The following ZNF546 variants were observed in gnomAD, a reference collection of about 807,000 sequenced individuals.
The protein encoded by ZNF546 is CTC-471F3.6.
Under a neutral mutation model 76.2 loss-of-function variants are expected in ZNF546, and 60 were observed. The ratio of observed to expected loss-of-function variants is 0.79; its 90% CI spans 0.64 to 0.98. The LOEUF (loss-of-function observed/expected upper bound fraction) is 0.98. Ranked by LOEUF, ZNF546 falls within the 50% of genes least tolerant of loss-of-function variation. The pLI, the probability that ZNF546 is intolerant of heterozygous loss-of-function variation, is 0.00. For missense variants in ZNF546, 936 were observed against 1,035.6 expected (o/e 0.90, Z 1.32); for synonymous variants, 277 against 328.1 (o/e 0.84, Z 1.68).
intron 3 of ZNF546, among the ~76,000 whole-genome samples, chr19:40,001,165 G>A (rs1263500573): frequency 2.0e-5 from 3 of 152,172 alleles, no homozygotes; most frequent in Non-Finnish European, 4.4e-5. Context: ...ATGGGGAGTA[G>A]CTGTAAATAC....
At chr19:40,001,864 CCT>C (rs1225698386) in intron 3 of ZNF546, among the ~76,000 whole-genome samples, 5 of 152,014 alleles carry the variant, frequency 3.3e-5, no homozygotes, top group African/African-American at 1.2e-4. Flanking sequence ...GACATAATAT[CCT>C]CTATTTTAAT....
In ZNF546 at chr19:40,008,491, A is replaced by C. The variant is rs1599741958; in HGVS notation, c.320A>C (p.Asp107Ala). 6.2e-7 allele frequency: 1 copy of C among 1,611,700 alleles called. No homozygotes were observed. The highest frequency in any genetic ancestry group is 8.5e-7 in the Non-Finnish European group (1 of 1,178,254). ...VSLGYTIPKP[D>A]VITLLEQEKE... is the part of the protein sequence containing the mutation. Reference sequence around the variant, plus strand: ...GCAGGATATACCATTCCTAAGCCAGATGTGATTACTTTATTGGAGCAAGAG... The same window carrying C: ...GCAGGATATACCATTCCTAAGCCAGCTGTGATTACTTTATTGGAGCAAGAG... Residue 107 changes from aspartate (D) to alanine (A), a missense_variant, in exon 6 of 7, where the codon GAT (aspartate) becomes GCT (alanine). Asp to Ala is a moderately radical substitution (Grantham distance 126, BLOSUM62 -2). Transcript: ENST00000347077.
chr19:40,007,347 G>C lies in ZNF546; in HGVS notation c.245G>C (p.Arg82Thr), dbSNP rs1265516141. 3.7e-6 allele frequency: 6 copies of C among 1,607,670 alleles called. No individual in the cohort carries two copies. The highest frequency in any genetic ancestry group is 5.1e-6 in the Non-Finnish European group (6 of 1,176,286). Residue 82 changes from arginine to threonine, a missense_variant, in exon 5 of 7, where the codon AGG becomes ACG. Physicochemically the swap from Arg to Thr is moderately conservative, Grantham distance 71. Coordinates refer to ENST00000347077, the MANE Select transcript of ZNF546 (RefSeq NM_178544.5). ...EEWECLDAVQ[R>T]DLYKDVMLEN... Reference sequence around the variant, plus strand: ...TGGGAGTGCCTGGACGCTGTGCAGAGGGACTTGTACAAGGATGTGATGTTG... The same window carrying C: ...TGGGAGTGCCTGGACGCTGTGCAGACGGACTTGTACAAGGATGTGATGTTG...
chr19:40,015,949 CCT>C lies in ZNF546; in HGVS notation c.*169_*170del. ...CGAAAGACTATAGCATCACTCAGTC[CCT>C]GTTAGACTTTAGAAGATTGATACTG... is the stretch of plus-strand genomic sequence containing the variant. On this transcript the variant is annotated 3_prime_UTR_variant, in exon 7 of 7. Transcript: ENST00000347077. 1.5e-6 allele frequency: 1 copy of C among 655,556 alleles called. No homozygotes were observed. 40.6% of individuals were successfully genotyped at this position (655,556 alleles called of 1,614,324 possible).
At chr19:40,009,587 C>G (rs1971646775) in intron 6 of ZNF546, among the ~76,000 whole-genome samples, 1 of 152,070 alleles carries the variant, frequency 6.6e-6, no homozygotes, top group African/African-American at 2.4e-5. Context: ...ATTGTGAAAC[C>G]ATTTCAAAAT....
Position 40,015,810 on chromosome 19 carries a change from C to T in ZNF546, c.*29C>T. On this transcript the variant is annotated 3_prime_UTR_variant, in exon 7 of 7. Transcript: ENST00000347077. ...GAATACGATGGCCTTTAGAAAATGC[C>T]CTTTAGCAGAGAATTTGTAATTTAA... 6.3e-7 allele frequency: 1 copy of T among 1,596,620 alleles called. No homozygotes were observed. Among genetic ancestry groups the T allele is most frequent in the Non-Finnish European group, 8.6e-7 (1 of 1,165,720 alleles).
At chr19:40,002,249 AGCT>A (rs1392219270) in intron 3 of ZNF546, among the ~76,000 whole-genome samples, 1 of 152,202 alleles carries the variant, frequency 6.6e-6, no homozygotes, top group East Asian at 1.9e-4. Context: ...TGCCTACTAT[AGCT>A]ATTAGTATTT....
Position 40,001,550 on chromosome 19 carries a change from C to T in ZNF546, c.84+3140C>T, listed in dbSNP as rs186258869. ...CTAATTTTTGTATTTTTAGTAGAGA[C>T]GGGGTTTCACCATGTTGGTCAGGCT... On this transcript the variant is annotated intron_variant, in intron 3 of 6. Coordinates refer to ENST00000347077, the MANE Select transcript of ZNF546 (RefSeq NM_178544.5). Among the ~76,000 whole-genome samples, 1,015 of 151,894 alleles carry T rather than the reference C, an allele frequency of 6.7e-3. 5 individuals are homozygous for T. Among genetic ancestry groups the T allele is most frequent in the Non-Finnish European group, 0.012 (795 of 67,944 alleles).
chr19:40,006,315 C>T, intron 4 of ZNF546, 133 bp downstream of exon 4: 1 of 689,938 alleles, frequency 1.4e-6, no homozygotes, highest in Non-Finnish European at 2.4e-6. Flanking sequence ...TCCCTAGTTA[C>T]AGTGAAGGAT....
At position 40,015,860 on chromosome 19, in the gene ZNF546, A is replaced by C; in HGVS notation, c.*79A>C. The C allele has an allele frequency of 7.7e-7, 1 of 1,302,330 alleles. No homozygotes were observed. Among genetic ancestry groups the C allele is most frequent in the Middle Eastern group, 1.8e-4 (1 of 5,440 alleles). The allele number at this position is 1,302,330 out of a possible 1,614,324, so 80.7% of individuals were successfully genotyped here. ...AGAAATTTTCTGTTTGTTACGGAAC[A>C]TGTGGGAATCCCTTTTACTTCATGC... On this transcript the variant is annotated 3_prime_UTR_variant, in exon 7 of 7. Coordinates refer to ENST00000347077, the MANE Select transcript of ZNF546 (RefSeq NM_178544.5).
At chr19:40,002,451 A>T (rs1971541565) in intron 3 of ZNF546, among the ~76,000 whole-genome samples, 1 of 152,228 alleles carries the variant, frequency 6.6e-6, no homozygotes. Context: ...GAAAACACAT[A>T]GGTGTTACTG....
At chr19:40,004,136 A>G (rs1448954845) in intron 3 of ZNF546, among the ~76,000 whole-genome samples, 1 of 147,030 alleles carries the variant, frequency 6.8e-6, no homozygotes, top group Non-Finnish European at 1.5e-5. Context: ...TAATATATAT[A>G]TATATCAGCT....
Position 40,013,640 on chromosome 19 carries a change from CTTTTTTT to C in ZNF546, c.395-11_395-5del, listed in dbSNP as rs546130223. 2,488 of 1,092,082 alleles carry C rather than the reference CTTTTTTT, an allele frequency of 2.3e-3. 14 individuals carry two copies. In the African/African-American group the frequency reaches 0.041, roughly 18 times the overall value. The allele number at this position is 1,092,082 out of a possible 1,614,324, so 67.6% of individuals were successfully genotyped here. On this transcript the variant is annotated intron_variant, in intron 6 of 6. Transcript: ENST00000347077. ...CATTATAGCATTTGTTTACTCTTTG[CTTTTTTT>C]TTTTTTTTTTTTTGCAGATTTGGAA...
At position 40,014,965 on chromosome 19, in the gene ZNF546, C is replaced by A; in HGVS notation, c.1695C>A (p.Ser565Arg). The change falls in exon 7 of 7, where the codon AGC (serine) becomes AGA (arginine). Residue 565 changes from serine (S) to arginine (R), a missense_variant. Coordinates refer to ENST00000347077, the MANE Select transcript of ZNF546 (RefSeq NM_178544.5). ...CKECGKAFIH[S>R]NQFISHQRIH... is the part of the protein sequence containing the mutation. Reference sequence around the variant, plus strand: ...AATGTGGGAAGGCTTTTATTCATAGCAATCAATTTATTTCACACCAGCGAA... The same window carrying A: ...AATGTGGGAAGGCTTTTATTCATAGAAATCAATTTATTTCACACCAGCGAA... The A allele has an allele frequency of 6.2e-7, 1 of 1,613,932 alleles. No individual in the cohort carries two copies. The highest frequency in any genetic ancestry group is 8.5e-7 in the Non-Finnish European group (1 of 1,179,940).
intron 4 of ZNF546, among the ~76,000 whole-genome samples, chr19:40,006,439 G>A (rs191361747): frequency 1.5e-4 from 23 of 152,306 alleles, no homozygotes; most frequent in Admixed American, 1.4e-3. Context: ...TGCATTGAGA[G>A]GCTTAGAGGA....
intron 3 of ZNF546, among the ~76,000 whole-genome samples, chr19:40,003,422 T>C (rs565752889): frequency 2.1e-4 from 32 of 152,300 alleles, no homozygotes; most frequent in African/African-American, 5.8e-4. Context: ...AAAGTGAGGC[T>C]AATGGGTTTT....
intron 2 of ZNF546, 45 bp downstream of exon 2, chr19:39,997,960 T>G: frequency 5.2e-6 from 1 of 191,808 alleles, no homozygotes; most frequent in Non-Finnish European, 1.1e-5. Flanking sequence ...AAATCACACA[T>G]TCTAATCCTC....
chr19:40,014,686 G>C lies in ZNF546; in HGVS notation c.1416G>C (p.Lys472Asn). The C allele has an allele frequency of 6.2e-7, 1 of 1,601,886 alleles. No individual in the cohort carries two copies. Among genetic ancestry groups the C allele is most frequent in the Non-Finnish European group, 8.5e-7 (1 of 1,175,420 alleles). The change falls in exon 7 of 7, where the codon AAG (lysine) becomes AAC (asparagine). Residue 472 changes from lysine to asparagine, a missense_variant. Physicochemically the swap from Lys to Asn is moderately conservative, Grantham distance 94. Transcript: ENST00000347077. ...CTGGTGAGAAACCCTATGAATGTAA[G>C]GAATGTGGGAAGGCCTTTATTTGTG... ...THTGEKPYEC[K>N]ECGKAFICGY...
Position 40,017,562 on chromosome 19 carries a change from C to T in ZNF546, c.*1781C>T, listed in dbSNP as rs1466043513. ...TAATTGCTATATAACAATTGTCCAACCTGTCTGTGCCCCAGGGCAGCTTTG... is the reference window on the plus strand; with the variant it reads ...TAATTGCTATATAACAATTGTCCAATCTGTCTGTGCCCCAGGGCAGCTTTG... On this transcript the variant is annotated 3_prime_UTR_variant, in exon 7 of 7. Transcript: ENST00000347077. 3 of 152,226 alleles carry T rather than the reference C, an allele frequency of 2.0e-5. No homozygotes were observed. The highest frequency in any genetic ancestry group is 2.9e-5 in the Non-Finnish European group (2 of 68,028). 9.4% of individuals were successfully genotyped at this position (152,226 alleles called of 1,614,324 possible). A position where few individuals can be genotyped will look rare whatever the true frequency, so the allele number is the denominator to read the frequency against.
Sources: gnomAD v4.1 joint callset for allele counts (sites outside exome capture counted in the v4.1 genomes callset) on GRCh38, gnomAD v4.1.1 for gene constraint, MANE v1.5 for transcripts, NCBI Gene and HGNC (gene_info 2026-07-23, HGNC 2026-07-21) for gene names.